The following ADAMTS16 variants were observed in gnomAD, a reference collection of about 807,000 sequenced individuals.
ADAMTS16 encodes ADAM metallopeptidase with thrombospondin type 1 motif 16.
Under a neutral mutation model 145.8 loss-of-function variants are expected in ADAMTS16, and 94 were observed. That is an observed-to-expected ratio of 0.64 (90% confidence interval 0.55 to 0.77). The LOEUF (loss-of-function observed/expected upper bound fraction) is 0.77, where lower values mean the gene tolerates loss of function less well. Ranked by LOEUF, ADAMTS16 falls within the 30% of genes least tolerant of loss-of-function variation. The pLI, the probability that ADAMTS16 is intolerant of heterozygous loss-of-function variation, is 0.00. For missense variants in ADAMTS16, 1,585 were observed against 1,591.5 expected, an observed-to-expected ratio of 1.00 and a Z score of 0.07; for synonymous variants, 659 against 604.3, an observed-to-expected ratio of 1.09 and a Z score of -1.33.
chr5:5,291,163 C>A (rs1324478148), intron 18 of ADAMTS16, among the ~76,000 whole-genome samples: 1 of 151,880 alleles, frequency 6.6e-6, no homozygotes, highest in East Asian at 1.9e-4. Flanking sequence ...CACTGAGAGG[C>A]AATACAACAA....
In ADAMTS16 at chr5:5,310,958, A is replaced by C. The variant is rs966063319; in HGVS notation, c.3411+4230A>C. Among the ~76,000 whole-genome samples the C allele has an allele frequency of 6.6e-6, 1 of 152,172 alleles. No homozygotes were observed. Among genetic ancestry groups the C allele is most frequent in the Non-Finnish European group, 1.5e-5 (1 of 68,034 alleles). On this transcript the variant is annotated intron_variant, in intron 21 of 22. Transcript: ENST00000274181. This position sits in a 1 kb window ranked among gnomAD's most constrained non-coding sequence, Gnocchi z 4.3. ...TGCTGCAGAGCCCTAGCCCAGAGCC[A>C]CGAGGACCAGAGATATGTGAGCAGC...
Position 5,146,332 on chromosome 5 carries a change from G to C in ADAMTS16, c.378G>C (p.Gln126His), listed in dbSNP as rs1303701786. ...TAGTGGCTCCTGGCTTTATTGTGCA[G>C]ACGTTGGGAAAGACAGGCACTAAGT... ...SSLVAPGFIV[Q>H]TLGKTGTKSV... The change falls in exon 3 of 23, where the codon CAG becomes CAC. Residue 126 changes from glutamine to histidine, a missense_variant. Gln to His is a conservative substitution (Grantham distance 24, BLOSUM62 0). Around this residue, in one of 3 missense-constraint regions of ADAMTS16, gnomAD observed 453 missense variants for 412.1 expected, o/e 1.10. Transcript: ENST00000274181. 2 of 1,614,162 alleles carry C rather than the reference G, an allele frequency of 1.2e-6. No homozygotes were observed. Among genetic ancestry groups the C allele is most frequent in the South Asian group, 2.2e-5 (2 of 91,088 alleles).
At chr5:5,182,736 G>A (rs116285303) in intron 4 of ADAMTS16, among the ~76,000 whole-genome samples, 2,467 of 152,296 alleles carry the variant, frequency 0.016, 33 homozygotes, top group Non-Finnish European at 0.017. Flanking sequence ...GGCAGACTCA[G>A]TGTGACATAG....
chr5:5,159,237 C>T (rs766530198), intron 3 of ADAMTS16, among the ~76,000 whole-genome samples: 9 of 152,138 alleles, frequency 5.9e-5, no homozygotes, highest in Non-Finnish European at 1.2e-4. Flanking sequence ...AACATTCAAA[C>T]GAGAAGCAGA....
At chr5:5,276,575 T>G (rs1314738839) in intron 18 of ADAMTS16, among the ~76,000 whole-genome samples, 1 of 152,238 alleles carries the variant, frequency 6.6e-6, no homozygotes, top group East Asian at 1.9e-4. Flanking sequence ...AGATTTTCTG[T>G]GCACATTCTT....
Position 5,306,712 on chromosome 5 carries a change from C to G in ADAMTS16, c.3395C>G (p.Ala1132Gly). 2 of 1,610,740 alleles carry G rather than the reference C, an allele frequency of 1.2e-6. No individual in the cohort carries two copies. The highest frequency in any genetic ancestry group is 2.7e-5 in the African/African-American group (2 of 74,962). The change falls in exon 21 of 23, where the codon GCC becomes GGC. Residue 1132 changes from alanine to glycine, a missense_variant. Transcript: ENST00000274181. Reference protein sequence around the residue: ...AAGPSRGSWFASPWSQCTASC... With the variant: ...AAGPSRGSWFGSPWSQCTASC... ...GGACCCTCGAGGGGCAGCTGGTTTG[C>G]CTCACCCTGGTCTCAGGTAGGGGAG...
At chr5:5,315,659 C>A (rs910356032) in intron 21 of ADAMTS16, among the ~76,000 whole-genome samples, 5 of 152,134 alleles carry the variant, frequency 3.3e-5, no homozygotes, top group Non-Finnish European at 1.5e-5. Flanking sequence ...GTTCTCGGCG[C>A]ACTGTGTGAG....
In ADAMTS16 at chr5:5,318,157, C is replaced by T. The variant is rs749675084; in HGVS notation, c.3435C>T (p.Gly1145=). ...WSQCTASCGG[G]VQTRSVQCLA... The stretch of plus-strand genomic sequence containing the variant: ...AGTGCACGGCCAGCTGTGGGGGAGG[C>T]GTTCAGACGAGGTCCGTGCAGTGCC... Residue 1145 remains glycine (G), a synonymous_variant, in exon 22 of 23, where the codon GGC becomes GGT. Transcript: ENST00000274181. 7.3e-6 allele frequency: 11 copies of T among 1,498,458 alleles called. No individual in the cohort carries two copies. The highest frequency in any genetic ancestry group is 4.9e-5 in the East Asian group (2 of 40,582). 92.8% of individuals were successfully genotyped at this position (1,498,458 alleles called of 1,614,324 possible). A position where few individuals can be genotyped will look rare whatever the true frequency, so the allele number is the denominator to read the frequency against.
chr5:5,174,928 G>A (rs1022969927), intron 3 of ADAMTS16, among the ~76,000 whole-genome samples: 3 of 152,182 alleles, frequency 2.0e-5, no homozygotes, highest in South Asian at 2.1e-4. Flanking sequence ...ACCCTTCAGG[G>A]CAGTAGGCTC....
At chr5:5,272,808 T>C (rs1332106317) in intron 18 of ADAMTS16, among the ~76,000 whole-genome samples, 1 of 152,184 alleles carries the variant, frequency 6.6e-6, no homozygotes, top group Non-Finnish European at 1.5e-5. Flanking sequence ...TGCTTGGTGT[T>C]TTAGCAAATC....
chr5:5,316,226 T>C (rs1455166327), intron 21 of ADAMTS16, among the ~76,000 whole-genome samples: 1 of 152,200 alleles, frequency 6.6e-6, no homozygotes, highest in Non-Finnish European at 1.5e-5. Flanking sequence ...ACATACTCTC[T>C]TGTAGGTTTG....
At chr5:5,191,822 C>G (rs370757539) in intron 8 of ADAMTS16, 32 bp downstream of exon 8, 1 of 1,528,968 alleles carries the variant, frequency 6.5e-7, no homozygotes, top group Non-Finnish European at 9.0e-7. Flanking sequence ...GATGGCATCC[C>G]GAGTTTTTTC....
chr5:5,257,409 C>G (rs1560972000), intron 17 of ADAMTS16, among the ~76,000 whole-genome samples: 2 of 152,168 alleles, frequency 1.3e-5, no homozygotes, highest in Non-Finnish European at 2.9e-5. Context: ...GAAATCTGTT[C>G]CAACAGATGA....
Position 5,310,951 on chromosome 5 carries a change from C to G in ADAMTS16, c.3411+4223C>G, listed in dbSNP as rs1740402200. 6.6e-6 allele frequency among the ~76,000 whole-genome samples: 1 copy of G among 152,120 alleles called. No individual in the cohort carries two copies. On this transcript the variant is annotated intron_variant, in intron 21 of 22. Coordinates refer to ENST00000274181, the MANE Select transcript of ADAMTS16 (RefSeq NM_139056.4). The surrounding 1 kb of genome is among the most constrained non-coding windows in gnomAD (Gnocchi z 4.3). The stretch of plus-strand genomic sequence containing the variant: ...CTTTATATGCTGCAGAGCCCTAGCC[C>G]AGAGCCACGAGGACCAGAGATATGT...
Position 5,249,016 on chromosome 5 carries a change from A to G in ADAMTS16, c.2662+6825A>G, listed in dbSNP as rs16875144. On this transcript the variant is annotated intron_variant, in intron 17 of 22. Coordinates refer to ENST00000274181, the MANE Select transcript of ADAMTS16 (RefSeq NM_139056.4). ...AGAGATTGGCTTACATAATTCACTG[A>G]ATGCAAGCTAAAGAAACAGGATAAC... Among the ~76,000 whole-genome samples the G allele has an allele frequency of 4.6e-3, 699 of 152,350 alleles. 5 individuals are homozygous for G. The highest frequency in any genetic ancestry group is 0.016 in the African/African-American group (672 of 41,588).
rs183645344 is a variant in ADAMTS16, at chr5:5,216,108, A to C, written c.1606-6681A>C. On this transcript the variant is annotated intron_variant, in intron 10 of 22. Coordinates refer to ENST00000274181, the MANE Select transcript of ADAMTS16 (RefSeq NM_139056.4). ...TAGTTCTACTTTTAGTTCTTTAAGG[A>C]ATCTCCACACTTTTTTCCATAGTGG... Among the ~76,000 whole-genome samples, 649 of 151,904 alleles carry C rather than the reference A, an allele frequency of 4.3e-3. 3 individuals are homozygous for C. The highest frequency in any genetic ancestry group is 7.1e-3 in the Non-Finnish European group (484 of 67,978).
At position 5,317,989 on chromosome 5, in the gene ADAMTS16, C is replaced by T; in HGVS notation, c.3412-145C>T. ...GCTCACTCGCGCACATCGTGGCCAA[C>T]CATAACTCCACCTGCCTCTGCGACT... is the stretch of plus-strand genomic sequence containing the variant. On this transcript the variant is annotated intron_variant, in intron 21 of 22. Coordinates refer to ENST00000274181, the MANE Select transcript of ADAMTS16 (RefSeq NM_139056.4). The surrounding 1 kb of genome is among the most constrained non-coding windows in gnomAD (Gnocchi z 4.5). 1.1e-6 allele frequency: 1 copy of T among 947,934 alleles called. No individual in the cohort carries two copies. 58.7% of individuals were successfully genotyped at this position (947,934 alleles called of 1,614,324 possible). A position where few individuals can be genotyped will look rare whatever the true frequency, so the allele number is the denominator to read the frequency against.
intron 21 of ADAMTS16, among the ~76,000 whole-genome samples, chr5:5,307,267 G>T (rs1740215320): frequency 6.6e-6 from 1 of 152,158 alleles, no homozygotes; most frequent in Admixed American, 6.5e-5. Flanking sequence ...GGTGGGCCCA[G>T]ACCCCTTAGG....
At chr5:5,178,855 G>A (rs1047050218) in intron 3 of ADAMTS16, among the ~76,000 whole-genome samples, 3 of 151,998 alleles carry the variant, frequency 2.0e-5, no homozygotes, top group Non-Finnish European at 2.9e-5. Context: ...ACCAGAAAGA[G>A]TGTAAAAAGC....
Sources: gnomAD v4.1 joint callset for allele counts (sites outside exome capture counted in the v4.1 genomes callset) on GRCh38, gnomAD v4.1.1 for gene constraint, gnomAD v4.1.1 regional missense constraint, Gnocchi (gnomAD v3.1) non-coding constraint, MANE v1.5 for transcripts, NCBI Gene and HGNC (gene_info 2026-07-23, HGNC 2026-07-21) for gene names.